Variants in WIF1 observed in about 807,000 individuals in gnomAD.
The protein encoded by WIF1 is Wnt inhibitory factor 1.
A neutral mutation model predicts 53.5 loss-of-function variants in WIF1; 35 were observed. The ratio of observed to expected loss-of-function variants is 0.65; its 90% CI spans 0.50 to 0.87. WIF1 has a LOEUF of 0.87. WIF1 is among the 40% of genes least tolerant of loss of function. The pLI, the probability that WIF1 is intolerant of heterozygous loss-of-function variation, is 0.00. For synonymous variants in WIF1, 171 were observed against 170.4 expected, an observed-to-expected ratio of 1.00 and a Z score of -0.03; for missense variants, 467 against 476.8, an observed-to-expected ratio of 0.98 and a Z score of 0.19.
chr12:65,080,102 G>T (rs1882925205), intron 2 of WIF1, among the ~76,000 whole-genome samples: 1 of 152,156 alleles, frequency 6.6e-6, no homozygotes, highest in African/African-American at 2.4e-5. Context: ...ATGCCAAGGG[G>T]TAGTCTCAGA....
chr12:65,053,228 T>G (rs147119264), intron 9 of WIF1, among the ~76,000 whole-genome samples: 38 of 152,326 alleles, frequency 2.5e-4, no homozygotes, highest in African/African-American at 8.4e-4. Context: ...GCGGCACTGC[T>G]TATTAAATTG....
intron 2 of WIF1, among the ~76,000 whole-genome samples, chr12:65,112,404 T>TCACACACACACACACACACACACA (rs758383148): frequency 3.2e-5 from 4 of 123,448 alleles, no homozygotes; most frequent in African/African-American, 1.1e-4. Context: ...CCTGCTCTAA[T>TCACACACACACACACACACACACA]CACACACACA....
chr12:65,060,534 T>G (rs996731941), intron 7 of WIF1, among the ~76,000 whole-genome samples: 1 of 152,120 alleles, frequency 6.6e-6, no homozygotes, highest in African/African-American at 2.4e-5. Flanking sequence ...TGGTTGCCAG[T>G]GTCTGGAGGG....
chr12:65,074,387 T>C (rs1882826925), intron 3 of WIF1, among the ~76,000 whole-genome samples: 2 of 152,074 alleles, frequency 1.3e-5, no homozygotes, highest in African/African-American at 4.8e-5. Flanking sequence ...ATGATGAGCT[T>C]ATATTCCTTT....
At position 65,056,106 on chromosome 12, in the gene WIF1, G is replaced by A. The variant is rs373828974; in HGVS notation, c.847C>T (p.Arg283Ter). 9 of 1,613,926 alleles carry A rather than the reference G, an allele frequency of 5.6e-6. No individual in the cohort carries two copies. Among genetic ancestry groups the A allele is most frequent in the South Asian group, 3.3e-5 (3 of 91,070 alleles). ...CEISKCPQPC[R>*]NGGKCIGKSK... ...TTACCAATGCATTTACCTCCATTTC[G>A]ACAGGGTTGTGGGCATTTGCCTGAA... The change falls in exon 8 of 10, where the codon CGA becomes TGA. Residue 283 changes from arginine to a stop codon, truncating the protein, a stop_gained. Transcript: ENST00000286574. LOFTEE classifies it high-confidence loss of function.
At chr12:65,074,185 TA>T (rs1273771512) in intron 3 of WIF1, among the ~76,000 whole-genome samples, 6 of 152,058 alleles carry the variant, frequency 3.9e-5, no homozygotes, top group South Asian at 2.1e-4. Context: ...TTTATTTTTT[TA>T]TTTTTTTTAT....
chr12:65,105,962 G>A (rs1343656244), intron 2 of WIF1, among the ~76,000 whole-genome samples: 1 of 152,196 alleles, frequency 6.6e-6, no homozygotes, highest in Admixed American at 6.5e-5. Context: ...GAGGCCATAA[G>A]TCCTGTAGAG....
chr12:65,075,453 G>A (rs1352770342), intron 3 of WIF1, among the ~76,000 whole-genome samples: 6 of 152,076 alleles, frequency 3.9e-5, no homozygotes, highest in African/African-American at 1.2e-4. Context: ...GTATGCCATC[G>A]ATGACTTTAA....
At chr12:65,080,210 A>T (rs1486971441) in intron 2 of WIF1, among the ~76,000 whole-genome samples, 1 of 152,222 alleles carries the variant, frequency 6.6e-6, no homozygotes, top group Non-Finnish European at 1.5e-5. Context: ...TTCCCACTGC[A>T]TCCCCTCCTG....
At chr12:65,104,776 A>G (rs1232859926) in intron 2 of WIF1, among the ~76,000 whole-genome samples, 1 of 152,170 alleles carries the variant, frequency 6.6e-6, no homozygotes, top group South Asian at 2.1e-4. Context: ...AGGCAAAAAT[A>G]TGATTTTAAC....
In WIF1 at chr12:65,116,261, C is replaced by G. The variant is rs146713800; in HGVS notation, c.288+4156G>C. On this transcript the variant is annotated intron_variant, in intron 2 of 9. Transcript: ENST00000286574. Reference sequence around the variant, plus strand: ...GTCCATGGCCTGTTAGGAACCAGGCCGCACAGCAGGAGGTGAGCAGTGGGC... The same window carrying G: ...GTCCATGGCCTGTTAGGAACCAGGCGGCACAGCAGGAGGTGAGCAGTGGGC... Among the ~76,000 whole-genome samples the G allele has an allele frequency of 6.0e-3, 907 of 152,136 alleles. 44 individuals carry two copies. In the East Asian group the frequency reaches 0.1, roughly 17 times the overall value.
intron 2 of WIF1, among the ~76,000 whole-genome samples, chr12:65,082,114 C>T (rs773117836): frequency 1.7e-4 from 26 of 152,004 alleles, no homozygotes; most frequent in Non-Finnish European, 3.1e-4. Flanking sequence ...AATATATTTA[C>T]GCCATACTCT....
chr12:65,080,675 C>A (rs7397751), intron 2 of WIF1, among the ~76,000 whole-genome samples: 7,049 of 152,154 alleles, frequency 0.046, 205 homozygotes, highest in Middle Eastern at 0.12. Flanking sequence ...TGAATTATTT[C>A]TATTACTAAG....
intron 3 of WIF1, among the ~76,000 whole-genome samples, chr12:65,077,161 A>G (rs750360272): frequency 6.6e-6 from 1 of 152,212 alleles, no homozygotes; most frequent in Non-Finnish European, 1.5e-5. Flanking sequence ...TTGACTCGCT[A>G]CTAGTATTCA....
At chr12:65,100,885 A>G (rs1157467636) in intron 2 of WIF1, among the ~76,000 whole-genome samples, 2 of 152,088 alleles carry the variant, frequency 1.3e-5, no homozygotes, top group African/African-American at 4.8e-5. Flanking sequence ...ATACCACAAA[A>G]TATTGTGTAG....
chr12:65,079,541 G>C (rs1310846884), intron 2 of WIF1, among the ~76,000 whole-genome samples: 1 of 150,780 alleles, frequency 6.6e-6, no homozygotes, highest in Non-Finnish European at 1.5e-5. Flanking sequence ...TCAGCTTCCA[G>C]CTTGAACCTG....
Position 65,056,100 on chromosome 12 carries a change from C to T in WIF1, c.853G>A (p.Gly285Arg), listed in dbSNP as rs1209300151. Residue 285 changes from glycine to arginine, a missense_variant, in exon 8 of 10, where the codon GGA becomes AGA. Physicochemically the swap from Gly to Arg is moderately radical, Grantham distance 125. Coordinates refer to ENST00000286574, the MANE Select transcript of WIF1 (RefSeq NM_007191.5). ...TTGCTTTTACCAATGCATTTACCTC[C>T]ATTTCGACAGGGTTGTGGGCATTTG... ...ISKCPQPCRN[G>R]GKCIGKSKCK... 1 of 1,614,132 alleles carries T rather than the reference C, an allele frequency of 6.2e-7. No individual in the cohort carries two copies. The highest frequency in any genetic ancestry group is 1.7e-5 in the Admixed American group (1 of 60,018).
intron 2 of WIF1, among the ~76,000 whole-genome samples, chr12:65,082,131 T>C (rs1041234667): frequency 7.2e-5 from 11 of 152,154 alleles, no homozygotes; most frequent in African/African-American, 2.4e-4. Context: ...CTCTAACTTC[T>C]AGACAGGACT....
intron 6 of WIF1, among the ~76,000 whole-genome samples, chr12:65,062,836 T>C (rs949701158): frequency 2.0e-5 from 3 of 152,064 alleles, no homozygotes; most frequent in Admixed American, 6.6e-5. Flanking sequence ...AAAGGCACAG[T>C]AAAAAAAATT....
Sources: allele counts gnomAD v4.1 joint callset (sites outside exome capture counted in the v4.1 genomes callset), GRCh38; gene constraint gnomAD v4.1.1; transcripts MANE v1.5; gene names NCBI Gene and HGNC (gene_info 2026-07-23, HGNC 2026-07-21).